Variants in PIK3R1 observed in about 807,000 individuals in gnomAD.
The protein encoded by PIK3R1 is phosphoinositide-3-kinase regulatory subunit 1, also known as phosphatidylinositol 3-kinase regulatory subunit alpha.
A neutral mutation model predicts 98.0 loss-of-function variants in PIK3R1; 29 were observed. The ratio of observed to expected loss-of-function variants is 0.30; its 90% CI spans 0.22 to 0.40. PIK3R1 has a LOEUF of 0.40. Among genes scored for constraint, PIK3R1 ranks in the 10% least tolerant of loss-of-function variants. The probability of loss-of-function intolerance (pLI) is 1.00; values close to 1 mark genes in which losing one functional copy is unlikely to be tolerated. For synonymous variants in PIK3R1, 282 were observed against 311.8 expected (o/e 0.90, Z 1.01); for missense variants, 596 against 872.7 (o/e 0.68, Z 3.99).
rs747311095 is a variant in PIK3R1 at position 68,298,433 on chromosome 5, G to A, written c.*832G>A. The A allele has an allele frequency of 2.1e-5, 5 of 233,146 alleles. No individual in the cohort carries two copies. Among genetic ancestry groups the A allele is most frequent in the Non-Finnish European group, 4.2e-5 (5 of 117,846 alleles). The allele number at this position is 233,146 out of a possible 1,614,324, so 14.4% of individuals were successfully genotyped here. ...TGCAATTCTTAATTTTCATTAAGTTGTTATTTCAGTTTTAAATGTACCTTC... is the reference window on the plus strand; with the variant it reads ...TGCAATTCTTAATTTTCATTAAGTTATTATTTCAGTTTTAAATGTACCTTC... On this transcript the variant is annotated 3_prime_UTR_variant, in exon 16 of 16. Transcript: ENST00000521381.
At chr5:68,292,496 A>G (rs980095821) in intron 8 of PIK3R1, 135 bp downstream of exon 8, 3 of 1,500,460 alleles carry the variant, frequency 2.0e-6, no homozygotes, top group Admixed American at 1.9e-5. Flanking sequence ...AAAGACGACC[A>G]GAAAAAGTCA....
intron 2 of PIK3R1, among the ~76,000 whole-genome samples, chr5:68,266,978 T>G (rs548903301): frequency 6.6e-6 from 1 of 152,202 alleles, no homozygotes; most frequent in African/African-American, 2.4e-5. Context: ...TGGGGGCTTC[T>G]GGGTCATACT....
intron 2 of PIK3R1, among the ~76,000 whole-genome samples, chr5:68,246,185 T>A (rs1745076082): frequency 6.6e-6 from 1 of 152,208 alleles, no homozygotes; most frequent in Non-Finnish European, 1.5e-5. Flanking sequence ...CATTCCAAAG[T>A]CTTTAGTATG....
At chr5:68,219,035 A>C (rs1744000716) in intron 1 of PIK3R1, among the ~76,000 whole-genome samples, 1 of 152,194 alleles carries the variant, frequency 6.6e-6, no homozygotes, top group South Asian at 2.1e-4. Flanking sequence ...TACTTGCTTA[A>C]AAGAGTGGCA....
intron 7 of PIK3R1, chr5:68,292,010 A>T (rs926178359): frequency 6.1e-6 from 2 of 326,066 alleles, no homozygotes; most frequent in African/African-American, 4.3e-5. Context: ...TCACATGGCC[A>T]GCCCAATTTA....
chr5:68,296,963 A>T (rs1747751736), intron 15 of PIK3R1, among the ~76,000 whole-genome samples: 1 of 152,204 alleles, frequency 6.6e-6, no homozygotes, highest in Admixed American at 6.5e-5. Flanking sequence ...ACATGCAGAG[A>T]TGGAGAGTTG....
chr5:68,262,590 T>TAG (rs1745827341), intron 2 of PIK3R1, among the ~76,000 whole-genome samples: 6 of 139,982 alleles, frequency 4.3e-5, no homozygotes, highest in Admixed American at 6.9e-5. Context: ...TATACACATG[T>TAG]ATCTGCATGT....
intron 6 of PIK3R1, 69 bp downstream of exon 6, chr5:68,280,798 A>T: frequency 7.2e-7 from 1 of 1,396,222 alleles, no homozygotes; most frequent in Non-Finnish European, 1.0e-6. Flanking sequence ...GGTCATGAAA[A>T]TGTATTCTGA....
intron 2 of PIK3R1, among the ~76,000 whole-genome samples, chr5:68,257,441 C>G (rs1353996040): frequency 1.3e-5 from 2 of 152,066 alleles, no homozygotes; most frequent in East Asian, 1.9e-4. Flanking sequence ...CTTTTTACCC[C>G]TTTGGCTGGC....
chr5:68,300,992 G>C lies in PIK3R1; in HGVS notation c.*3391G>C. On this transcript the variant is annotated 3_prime_UTR_variant, in exon 16 of 16. Coordinates refer to ENST00000521381, the MANE Select transcript of PIK3R1 (RefSeq NM_181523.3). ...AACCAATTGCTTTGTCATATAGCTG[G>C]TTATGAACTAGTAACATGTTTGGGA... 1 of 233,052 alleles carries C rather than the reference G, an allele frequency of 4.3e-6. No homozygotes were observed. The highest frequency in any genetic ancestry group is 2.2e-5 in the African/African-American group (1 of 45,380). 14.4% of individuals were successfully genotyped at this position (233,052 alleles called of 1,614,324 possible).
At chr5:68,284,749 A>T (rs1455549408) in intron 7 of PIK3R1, among the ~76,000 whole-genome samples, 1 of 152,220 alleles carries the variant, frequency 6.6e-6, no homozygotes, top group African/African-American at 2.4e-5. Flanking sequence ...CTAGCAGAGA[A>T]CTAGGTACAG....
chr5:68,290,609 T>C (rs960557737), intron 7 of PIK3R1: 3 of 1,367,492 alleles, frequency 2.2e-6, no homozygotes, highest in East Asian at 5.3e-5. Context: ...CTGGGGCGTG[T>C]GATGTAATAG....
chr5:68,296,132 G>C, intron 14 of PIK3R1, 39 bp from the exon 15 acceptor site: 1 of 1,604,478 alleles, frequency 6.2e-7, no homozygotes, highest in Non-Finnish European at 8.5e-7. Flanking sequence ...GATGGCTCCT[G>C]CACTCTTCAT....
chr5:68,295,775 G>C (rs1747680347), intron 14 of PIK3R1: 1 of 495,504 alleles, frequency 2.0e-6, no homozygotes, highest in Admixed American at 3.4e-5. Flanking sequence ...AACAGTCAGA[G>C]AAAAAATAAT....
rs1747648452 is a variant in PIK3R1, at chr5:68,295,320, T to C, written c.1741T>C (p.Leu581=). The C allele has an allele frequency of 6.2e-7, 1 of 1,613,796 alleles. No individual in the cohort carries two copies. Among genetic ancestry groups the C allele is most frequent in the African/African-American group, 1.3e-5 (1 of 74,916 alleles). Residue 581 remains leucine, a synonymous_variant, in exon 13 of 16, where the codon TTG becomes CTG. Coordinates refer to ENST00000521381, the MANE Select transcript of PIK3R1 (RefSeq NM_181523.3). ...IQLRKTRDQY[L]MWLTQKGVRQ... ...GCTGAGAAAGACGAGAGACCAATAC[T>C]TGATGTAAGTATTTGAAATGGAATC...
intron 7 of PIK3R1, among the ~76,000 whole-genome samples, chr5:68,290,251 G>A (rs1256264733): frequency 6.6e-6 from 1 of 152,204 alleles, no homozygotes; most frequent in Admixed American, 6.5e-5. Context: ...CATAACTTAA[G>A]TATACCCTTT....
intron 2 of PIK3R1, among the ~76,000 whole-genome samples, chr5:68,243,544 A>G (rs946467563): frequency 2.0e-5 from 3 of 152,224 alleles, no homozygotes; most frequent in African/African-American, 7.2e-5. Context: ...AATTTGTGCT[A>G]ATAGTTGCAC....
Position 68,285,380 on chromosome 5 carries a change from G to T in PIK3R1, c.916+4374G>T, listed in dbSNP as rs1747034927. The stretch of plus-strand genomic sequence containing the variant: ...ACCCAGACTAAAGGCAAGCACTAAG[G>T]TAGAGGGAAATGACATTCAAAGAGT... On this transcript the variant is annotated intron_variant, in intron 7 of 15. Transcript: ENST00000521381. Among the ~76,000 whole-genome samples, 3 of 152,150 alleles carry T rather than the reference G, an allele frequency of 2.0e-5. No individual in the cohort carries two copies. The South Asian group carries it at 6.2e-4, about 32-fold the overall frequency.
At chr5:68,246,002 G>C (rs181690019) in intron 2 of PIK3R1, among the ~76,000 whole-genome samples, 7 of 152,322 alleles carry the variant, frequency 4.6e-5, no homozygotes, top group African/African-American at 1.4e-4. Flanking sequence ...CAGTGAATTT[G>C]CTGAATAGCT....
Sources: allele counts gnomAD v4.1 joint callset (sites outside exome capture counted in the v4.1 genomes callset), GRCh38; gene constraint gnomAD v4.1.1; transcripts MANE v1.5; gene names NCBI Gene and HGNC (gene_info 2026-07-23, HGNC 2026-07-21).